SFRP2: variants seen among roughly 807,000 people sequenced by gnomAD.
SFRP2 encodes secreted frizzled-related protein 2.
SFRP2 carries 16 observed loss-of-function variants against 26.0 expected under a neutral mutation model. That is an observed-to-expected ratio of 0.61 (90% CI 0.42 to 0.93). The LOEUF is 0.93. Among genes scored for constraint, SFRP2 ranks in the 40% least tolerant of loss-of-function variants. SFRP2 has a pLI of 0.00. For synonymous variants in SFRP2, 173 were observed against 167.3 expected (o/e 1.03, Z -0.26); for missense variants, 343 against 392.4 (o/e 0.87, Z 1.06).
rs1429884682 is a variant in SFRP2 at position 153,788,552 on chromosome 4, A to G, written c.284T>C (p.Leu95Pro). The change falls in exon 1 of 3, where the codon CTG becomes CCG. Residue 95 changes from leucine (L) to proline (P), a missense_variant. Leu to Pro is a moderately conservative substitution (Grantham distance 98). Transcript: ENST00000274063. ...KQCHPDTKKF[L>P]CSLFAPVCLD... The stretch of plus-strand genomic sequence containing the variant: ...GCAGACGGGGGCGAAGAGCGAGCAC[A>G]GGAACTTCTTGGTGTCCGGGTGGCA... 6.2e-7 allele frequency: 1 copy of G among 1,614,016 alleles called. No homozygotes were observed. Among genetic ancestry groups the G allele is most frequent in the Non-Finnish European group, 8.5e-7 (1 of 1,180,036 alleles).
intron 2 of SFRP2, among the ~76,000 whole-genome samples, chr4:153,783,300 C>T (rs1741151551): frequency 1.3e-5 from 2 of 152,156 alleles, no homozygotes; most frequent in South Asian, 4.1e-4. Flanking sequence ...GTCTGTAGTA[C>T]AGGTAGGGCA....
chr4:153,788,235 C>G (rs1481221797), intron 1 of SFRP2, 99 bp downstream of exon 1: 16 of 1,405,920 alleles, frequency 1.1e-5, no homozygotes, highest in Admixed American at 2.0e-5. Context: ...CCGCTACTGG[C>G]ACCCCAAGCA....
chr4:153,787,232 G>T (rs1326653706), intron 1 of SFRP2, among the ~76,000 whole-genome samples: 1 of 152,224 alleles, frequency 6.6e-6, no homozygotes, highest in African/African-American at 2.4e-5. Flanking sequence ...TTACTAACCT[G>T]TATTGGTTGG....
chr4:153,785,554 C>CAAAAAAAAA lies in SFRP2; in HGVS notation c.583+301_583+309dup, dbSNP rs369450385. ...TAGAACTCGGGATTATGCCTGTCGG[C>CAAAAAAAAA]AAAAAAAAAAAAAAAAAAAAAGGGA... On this transcript the variant is annotated intron_variant, in intron 2 of 2. Transcript: ENST00000274063. Among the ~76,000 whole-genome samples the CAAAAAAAAA allele has an allele frequency of 7.3e-4, 34 of 46,456 alleles. 1 individual carries two copies. The highest frequency in any genetic ancestry group is 8.1e-4 in the Non-Finnish European group (21 of 25,842). The allele number at this position is 46,456 out of a possible 152,430, so 30.5% of individuals were successfully genotyped here.
rs569276115 is a variant in SFRP2 at position 153,785,883 on chromosome 4, C to T, written c.564G>A (p.Thr188=). ...ACTTACCAAAATCATTTTTACAAAGCGTTTCCATTATGTCGTTGTCATCAT... is the reference window on the plus strand; with the variant it reads ...ACTTACCAAAATCATTTTTACAAAGTGTTTCCATTATGTCGTTGTCATCAT... The part of the protein sequence containing the change: ...KNDDDNDIME[T]LCKNDFALKI... Residue 188 remains threonine, a synonymous_variant, in exon 2 of 3, where the codon ACG becomes ACA. Transcript: ENST00000274063. 2.0e-5 allele frequency: 32 copies of T among 1,596,692 alleles called. No individual in the cohort carries two copies. The highest frequency in any genetic ancestry group is 5.4e-5 in the African/African-American group (4 of 74,168).
intron 2 of SFRP2, among the ~76,000 whole-genome samples, chr4:153,783,506 T>C (rs189039358): frequency 1.3e-5 from 2 of 152,314 alleles, no homozygotes; most frequent in East Asian, 1.9e-4. Context: ...ACAGAGAGAA[T>C]TGAATCCCCC....
At chr4:153,785,428 A>C (rs1008296605) in intron 2 of SFRP2, among the ~76,000 whole-genome samples, 1 of 152,010 alleles carries the variant, frequency 6.6e-6, no homozygotes, top group Non-Finnish European at 1.5e-5. Flanking sequence ...GAAAGTAAAA[A>C]TATTTTTATT....
rs17030428 is a variant in SFRP2, at chr4:153,781,131, G to C, written c.*320C>G. ...ACAAACAACAACCAACCAGACCCAA[G>C]TCACAGTTGCACCTATTCAAAACTA... is the stretch of plus-strand genomic sequence containing the variant. On this transcript the variant is annotated 3_prime_UTR_variant, in exon 3 of 3. Transcript: ENST00000274063. 0.047 allele frequency: 12,554 copies of C among 266,052 alleles called. 567 individuals are homozygous for C. Among genetic ancestry groups the C allele is most frequent in the East Asian group, 0.2 (2,549 of 12,830 alleles). 16.5% of individuals were successfully genotyped at this position (266,052 alleles called of 1,614,324 possible). A position where few individuals can be genotyped will look rare whatever the true frequency, so the allele number is the denominator to read the frequency against.
intron 1 of SFRP2, 143 bp downstream of exon 1, chr4:153,788,191 T>C (rs1041424437): frequency 1.1e-5 from 11 of 995,368 alleles, no homozygotes; most frequent in Non-Finnish European, 1.6e-5. Context: ...CTTGTTGTGA[T>C]GACAGACCAG....
Position 153,788,918 on chromosome 4 carries a change from C to T in SFRP2, c.-83G>A, listed in dbSNP as rs1579132421. 1 of 1,416,682 alleles carries T rather than the reference C, an allele frequency of 7.1e-7. No homozygotes were observed. Among genetic ancestry groups the T allele is most frequent in the African/African-American group, 1.4e-5 (1 of 68,984 alleles). The allele number at this position is 1,416,682 out of a possible 1,614,324, so 87.8% of individuals were successfully genotyped here. A position where few individuals can be genotyped will look rare whatever the true frequency, so the allele number is the denominator to read the frequency against. On this transcript the variant is annotated 5_prime_UTR_variant, in exon 1 of 3. Transcript: ENST00000274063. ...CCGGAGTTCGAGCTTGTCCCGGGCC[C>T]GCTCTCTTCGCTGGGTGCGACTCGG...
intron 1 of SFRP2, among the ~76,000 whole-genome samples, chr4:153,787,335 C>T (rs540430881): frequency 2.0e-5 from 3 of 152,254 alleles, no homozygotes; most frequent in African/African-American, 4.8e-5. Context: ...AACTCATGGT[C>T]CCTGCCAGGA....
In SFRP2 at chr4:153,781,469, G is replaced by T; in HGVS notation, c.870C>A (p.Ile290=). ...GCCGGGACTAGCACTGCAGCTTGCG[G>T]ATGCTGCGGGAGATGCGCTTGAACT... The part of the protein sequence containing the change: ...QREFKRISRS[I]RKLQC Residue 290 remains isoleucine (I), a synonymous_variant, in exon 3 of 3, where the codon ATC becomes ATA. Transcript: ENST00000274063. 1.9e-6 allele frequency: 3 copies of T among 1,613,158 alleles called. No individual in the cohort carries two copies. The highest frequency in any genetic ancestry group is 2.5e-6 in the Non-Finnish European group (3 of 1,179,902).
At position 153,789,009 on chromosome 4, in the gene SFRP2, G is replaced by C. The variant is rs960076168; in HGVS notation, c.-174C>G. On this transcript the variant is annotated 5_prime_UTR_variant, in exon 1 of 3. Coordinates refer to ENST00000274063, the MANE Select transcript of SFRP2 (RefSeq NM_003013.3). ...AGCGGGACACCGGGAGGACAGCGCG[G>C]GCGAGGCGCTGCAAGCCCGCGCGCA... 36 of 744,660 alleles carry C rather than the reference G, an allele frequency of 4.8e-5. No homozygotes were observed. The highest frequency in any genetic ancestry group is 4.0e-4 in the Middle Eastern group (1 of 2,496). The allele number at this position is 744,660 out of a possible 1,614,324, so 46.1% of individuals were successfully genotyped here. A position where few individuals can be genotyped will look rare whatever the true frequency, so the allele number is the denominator to read the frequency against.
chr4:153,788,590 C>A lies in SFRP2; in HGVS notation c.246G>T (p.Leu82=), dbSNP rs79844222. The part of the protein sequence containing the change: ...VLEQAGAWIP[L]VMKQCHPDTK... Reference sequence around the variant, plus strand: ...TGTCCGGGTGGCACTGCTTCATGACCAGCGGGATCCAAGCGCCGGCCTGCT... The same window carrying A: ...TGTCCGGGTGGCACTGCTTCATGACAAGCGGGATCCAAGCGCCGGCCTGCT... The change falls in exon 1 of 3, where the codon CTG becomes CTT. Residue 82 remains leucine, a synonymous_variant. Coordinates refer to ENST00000274063, the MANE Select transcript of SFRP2 (RefSeq NM_003013.3). 1 of 1,614,162 alleles carries A rather than the reference C, an allele frequency of 6.2e-7. No homozygotes were observed. The highest frequency in any genetic ancestry group is 1.7e-5 in the Admixed American group (1 of 60,024).
chr4:153,786,973 T>C (rs554171681), intron 1 of SFRP2, among the ~76,000 whole-genome samples: 1 of 152,280 alleles, frequency 6.6e-6, no homozygotes, highest in East Asian at 1.9e-4. Flanking sequence ...TTAATGTTCA[T>C]AGAAAACTAT....
At chr4:153,785,115 A>G (rs6853529) in intron 2 of SFRP2, among the ~76,000 whole-genome samples, 108,499 of 152,120 alleles carry the variant, frequency 0.71, 38,667 homozygotes, top group East Asian at 0.79. Flanking sequence ...CCCAAACACC[A>G]TGTGATCTAT....
chr4:153,787,880 C>G (rs532348726), intron 1 of SFRP2, among the ~76,000 whole-genome samples: 1 of 152,308 alleles, frequency 6.6e-6, no homozygotes, highest in African/African-American at 2.4e-5. Flanking sequence ...AGAATCCTGC[C>G]CAGTGGTAGG....
In SFRP2 at chr4:153,788,240, C is replaced by T. The variant is rs907099456; in HGVS notation, c.502+94G>A. 9.7e-6 allele frequency: 14 copies of T among 1,446,432 alleles called. No homozygotes were observed. In the African/African-American group the frequency reaches 1.8e-4, roughly 19 times the overall value. The allele number at this position is 1,446,432 out of a possible 1,614,324, so 89.6% of individuals were successfully genotyped here. A position where few individuals can be genotyped will look rare whatever the true frequency, so the allele number is the denominator to read the frequency against. ...TCTGCCCTTCCCGCTACTGGCACCC[C>T]AAGCAGGGATGCACTGGGATGCGTG... On this transcript the variant is annotated intron_variant, in intron 1 of 2. Transcript: ENST00000274063.
rs1741126956 is a variant in SFRP2 at position 153,781,842 on chromosome 4, GC to G, written c.584-88del. 4.1e-6 allele frequency: 5 copies of G among 1,213,668 alleles called. No homozygotes were observed. In the East Asian group the frequency reaches 1.2e-4, roughly 28 times the overall value. 75.2% of individuals were successfully genotyped at this position (1,213,668 alleles called of 1,614,324 possible). ...CCATTCTGCCAACTCGTGTGACTTG[GC>G]CTGGATGAGGAAAGAGAGGCTTCCT... On this transcript the variant is annotated intron_variant, in intron 2 of 2. Transcript: ENST00000274063.
Sources: gnomAD v4.1 joint callset for allele counts (sites outside exome capture counted in the v4.1 genomes callset) on GRCh38, gnomAD v4.1.1 for gene constraint, MANE v1.5 for transcripts, NCBI Gene and HGNC (gene_info 2026-07-23, HGNC 2026-07-21) for gene names.